HIVEP3: variants seen among roughly 807,000 people sequenced by gnomAD.
HIVEP3 encodes HIVEP zinc finger 3.
In HIVEP3, 49 loss-of-function variants were observed where a neutral mutation model predicts 152.8. The observed-to-expected ratio is 0.32, with a 90% CI of 0.26 to 0.41. The LOEUF is 0.41. Among genes scored for constraint, HIVEP3 ranks in the 10% least tolerant of loss-of-function variants. HIVEP3 has a pLI of 1.00. For synonymous variants in HIVEP3, 1,269 were observed against 1,289.0 expected (o/e 0.98, Z 0.33); for missense variants, 2,790 against 3,103.3 (o/e 0.90, Z 2.40).
At chr1:41,597,253 A>C (rs1161449741) in intron 3 of HIVEP3, among the ~76,000 whole-genome samples, 2 of 152,194 alleles carry the variant, frequency 1.3e-5, no homozygotes, top group African/African-American at 2.4e-5. Context: ...GATATCACCA[A>C]GGAGAATGAA....
At chr1:41,612,091 T>G (rs1644906488) in intron 3 of HIVEP3, among the ~76,000 whole-genome samples, 1 of 135,622 alleles carries the variant, frequency 7.4e-6, no homozygotes. Flanking sequence ...CTCCTCCCAC[T>G]CCCACCCACC....
intron 2 of HIVEP3, among the ~76,000 whole-genome samples, chr1:41,699,898 C>T (rs1056649931): frequency 6.6e-6 from 1 of 151,980 alleles, no homozygotes; most frequent in East Asian, 1.9e-4. Flanking sequence ...AGCCTGAGCT[C>T]CTGGGTGACC....
At chr1:41,696,565 A>G (rs1160983408) in intron 2 of HIVEP3, among the ~76,000 whole-genome samples, 1 of 152,228 alleles carries the variant, frequency 6.6e-6, no homozygotes, top group Non-Finnish European at 1.5e-5. Context: ...GACACACTGA[A>G]CATCTGAAGG....
chr1:41,751,950 T>G (rs1330221670), intron 1 of HIVEP3, among the ~76,000 whole-genome samples: 7 of 152,142 alleles, frequency 4.6e-5, no homozygotes, highest in African/African-American at 1.4e-4. Context: ...TCCAGGCCTG[T>G]TCTCCAACAT....
chr1:41,736,131 C>T (rs1387023033), intron 1 of HIVEP3, among the ~76,000 whole-genome samples: 2 of 152,202 alleles, frequency 1.3e-5, no homozygotes, highest in Non-Finnish European at 2.9e-5. Flanking sequence ...AACAGCCCTT[C>T]ACGCTCCCAC....
chr1:41,590,519 G>T (rs540923782), intron 3 of HIVEP3, among the ~76,000 whole-genome samples: 20 of 152,222 alleles, frequency 1.3e-4, no homozygotes, highest in Non-Finnish European at 2.6e-4. Flanking sequence ...TGACCACATG[G>T]ACAAGAACAT....
chr1:41,920,586 T>TTG (rs10658767), upstream of HIVEP3, among the ~76,000 whole-genome samples: 46,886 of 147,050 alleles, frequency 0.32, 8,939 homozygotes, highest in Non-Finnish European at 0.43. Flanking sequence ...GGTTTTTTTT[T>TTG]TTTTGTTTTG....
chr1:41,752,860 T>C (rs1290588189), intron 1 of HIVEP3, among the ~76,000 whole-genome samples: 1 of 152,238 alleles, frequency 6.6e-6, no homozygotes, highest in Non-Finnish European at 1.5e-5. Flanking sequence ...CTGGCGTCCC[T>C]TCTCTCCGCT....
At chr1:41,745,054 G>C (rs1018732380) in intron 1 of HIVEP3, among the ~76,000 whole-genome samples, 1 of 152,192 alleles carries the variant, frequency 6.6e-6, no homozygotes, top group African/African-American at 2.4e-5. Context: ...CCAGAACCTG[G>C]GGGTCCCAGC....
chr1:41,607,898 A>G (rs919737674), intron 3 of HIVEP3, among the ~76,000 whole-genome samples: 2 of 152,134 alleles, frequency 1.3e-5, no homozygotes, highest in Non-Finnish European at 2.9e-5. Flanking sequence ...CATGACTTCC[A>G]TCTCCCACCA....
At chr1:41,593,308 C>T (rs995461383) in intron 3 of HIVEP3, among the ~76,000 whole-genome samples, 6 of 152,016 alleles carry the variant, frequency 3.9e-5, no homozygotes, top group East Asian at 1.9e-4. Context: ...TATTGATCTG[C>T]GACTTGTTTT....
intron 5 of HIVEP3, among the ~76,000 whole-genome samples, chr1:41,563,311 C>G (rs1644110248): frequency 6.6e-6 from 1 of 151,708 alleles, no homozygotes; most frequent in Non-Finnish European, 1.5e-5. Context: ...CATGCCACTG[C>G]ACTCCAGCCT....
chr1:41,664,881 G>A lies in HIVEP3; in HGVS notation c.-720-35934C>T, dbSNP rs963864643. Among the ~76,000 whole-genome samples, 7 of 152,142 alleles carry A rather than the reference G, an allele frequency of 4.6e-5. No homozygotes were observed. The highest frequency in any genetic ancestry group is 1.9e-4 in the East Asian group (1 of 5,202). Reference sequence around the variant, plus strand: ...TCCCCATGCCAACCCCCCAAAACACGGAGTCCTGAGCTGGCCCTAATGAGG... The same window carrying A: ...TCCCCATGCCAACCCCCCAAAACACAGAGTCCTGAGCTGGCCCTAATGAGG... On this transcript the variant is annotated intron_variant, in intron 2 of 8. Transcript: ENST00000372583. This position sits in a 1 kb window ranked among gnomAD's most constrained non-coding sequence, Gnocchi z 4.4.
At chr1:41,892,914 G>T (rs550338890) in intron 1 of HIVEP3, among the ~76,000 whole-genome samples, 27 of 152,100 alleles carry the variant, frequency 1.8e-4, no homozygotes. Context: ...GAGCTCAGGA[G>T]TTCAAGACCA....
At chr1:41,917,220 C>T (rs1644884562) in intron 1 of HIVEP3, among the ~76,000 whole-genome samples, 1 of 152,178 alleles carries the variant, frequency 6.6e-6, no homozygotes, top group African/African-American at 2.4e-5. Flanking sequence ...CTGATCATTA[C>T]ATAATCACAC....
At chr1:42,000,407 C>T (rs992745210) in intron 1 of HIVEP3, among the ~76,000 whole-genome samples, 6 of 152,232 alleles carry the variant, frequency 3.9e-5, no homozygotes, top group Non-Finnish European at 8.8e-5. Context: ...AGCTGGCCCA[C>T]TGCAGGTCAC....
intron 2 of HIVEP3, among the ~76,000 whole-genome samples, chr1:41,630,231 C>T (rs1361914327): frequency 6.6e-6 from 1 of 152,044 alleles, no homozygotes; most frequent in Non-Finnish European, 1.5e-5. Flanking sequence ...ACATTGGGTA[C>T]ACATGGACAT....
intron 1 of HIVEP3, among the ~76,000 whole-genome samples, chr1:41,861,549 G>A (rs1466414242): frequency 6.6e-6 from 1 of 152,230 alleles, no homozygotes; most frequent in Non-Finnish European, 1.5e-5. Flanking sequence ...TTAGGCAGGT[G>A]GCTAAGAAGT....
In HIVEP3 at chr1:42,017,393, C is replaced by T. The variant is rs141413197; in HGVS notation, n.119+18414G>A. 8.9e-3 allele frequency among the ~76,000 whole-genome samples: 1,352 copies of T among 152,006 alleles called. 28 individuals carry two copies. Among genetic ancestry groups the T allele is most frequent in the African/African-American group, 0.03 (1,238 of 41,470 alleles). On this transcript the variant is annotated intron_variant and non_coding_transcript_variant, in intron 1 of 3. Transcript: ENST00000489103. ...CTTGATGAATTTTCACAAAATAACCCCATCCCATACCATACACCCAGACCA... is the reference window on the plus strand; with the variant it reads ...CTTGATGAATTTTCACAAAATAACCTCATCCCATACCATACACCCAGACCA...
Sources: allele counts gnomAD v4.1 joint callset (sites outside exome capture counted in the v4.1 genomes callset), GRCh38; gene constraint gnomAD v4.1.1; non-coding constraint Gnocchi (gnomAD v3.1); transcripts MANE v1.5; gene names NCBI Gene and HGNC (gene_info 2026-07-23, HGNC 2026-07-21).